CHD8: variants seen among roughly 807,000 people sequenced by gnomAD.
The protein encoded by CHD8 is chromodomain helicase DNA binding protein 8.
In CHD8, 31 loss-of-function variants were observed where a neutral mutation model predicts 279.2. That is an observed-to-expected ratio of 0.11 (90% CI 0.08 to 0.15). CHD8 has a LOEUF of 0.15. Ranked by LOEUF, CHD8 falls within the 10% of genes least tolerant of loss-of-function variation. The pLI, the probability that CHD8 is intolerant of heterozygous loss-of-function variation, is 1.00. For missense variants in CHD8, 2,146 were observed against 3,230.5 expected, an observed-to-expected ratio of 0.66 and a Z score of 8.14; for synonymous variants, 1,081 against 1,139.6, an observed-to-expected ratio of 0.95 and a Z score of 1.04.
chr14:21,401,316 T>TA, intron 21 of CHD8, 87 bp downstream of exon 21: 4 of 833,638 alleles, frequency 4.8e-6, no homozygotes, highest in Non-Finnish European at 1.8e-6. Flanking sequence ...AAATCACAAT[T>TA]AGCATCAAAT....
At position 21,412,372 on chromosome 14, in the gene CHD8, C is replaced by T. The variant is rs146571712; in HGVS notation, c.2226+541G>A. On this transcript the variant is annotated intron_variant, in intron 10 of 37. Coordinates refer to ENST00000646647, the MANE Select transcript of CHD8 (RefSeq NM_001170629.2). ...TGTTGGCCAAGCTGGTCTCAAACTC[C>T]CAACCTCGTGATCTGCCCACCTCAG... 5.3e-5 allele frequency among the ~76,000 whole-genome samples: 8 copies of T among 152,130 alleles called. No individual in the cohort carries two copies. The East Asian group carries it at 1.6e-3, about 30-fold the overall frequency.
chr14:21,411,346 A>C (rs1205490177), intron 10 of CHD8, among the ~76,000 whole-genome samples: 3 of 152,214 alleles, frequency 2.0e-5, no homozygotes. Context: ...ATTTAAAGAC[A>C]ATGAATTCTA....
chr14:21,414,508 A>G, intron 8 of CHD8, 90 bp from the exon 9 acceptor site: 2 of 699,174 alleles, frequency 2.9e-6, no homozygotes. Flanking sequence ...AGAAGCAGAC[A>G]TAACAAATAC....
At chr14:21,417,708 G>C (rs989608558) in intron 5 of CHD8, among the ~76,000 whole-genome samples, 1 of 151,678 alleles carries the variant, frequency 6.6e-6, no homozygotes. Context: ...CAAAAAATTA[G>C]CCAGGTGTGG....
chr14:21,403,277 C>G lies in CHD8; in HGVS notation c.3519-65G>C. 1.3e-6 allele frequency: 2 copies of G among 1,505,460 alleles called. No homozygotes were observed. The highest frequency in any genetic ancestry group is 1.8e-5 in the Admixed American group (1 of 55,030). 93.3% of individuals were successfully genotyped at this position (1,505,460 alleles called of 1,614,324 possible). On this transcript the variant is annotated intron_variant, in intron 17 of 37. Coordinates refer to ENST00000646647, the MANE Select transcript of CHD8 (RefSeq NM_001170629.2). This position sits in a 1 kb window ranked among gnomAD's most constrained non-coding sequence, Gnocchi z 4.3. ...CAGAAGTGGAGACCAAAACAGCAGGCTAGGATCAATACCAGTACTCCCATA... is the reference window on the plus strand; with the variant it reads ...CAGAAGTGGAGACCAAAACAGCAGGGTAGGATCAATACCAGTACTCCCATA...
intron 3 of CHD8, 132 bp from the exon 4 acceptor site, chr14:21,428,386 T>C: frequency 3.8e-6 from 3 of 791,628 alleles, no homozygotes; most frequent in South Asian, 3.7e-5. Flanking sequence ...CTAAATCTTA[T>C]TGAACCTACA....
chr14:21,418,632 G>T (rs539750574), intron 5 of CHD8, among the ~76,000 whole-genome samples: 64 of 152,122 alleles, frequency 4.2e-4, no homozygotes, highest in Non-Finnish European at 7.5e-4. Context: ...TGGCTAACAC[G>T]GTGAAACCCC....
At chr14:21,404,409 A>T (rs972326370) in intron 16 of CHD8, among the ~76,000 whole-genome samples, 3 of 151,952 alleles carry the variant, frequency 2.0e-5, no homozygotes, top group Admixed American at 6.6e-5. Context: ...AAAAAAAAAA[A>T]AAAAAAAAAA....
rs917185244 is a variant in CHD8, at chr14:21,394,555, T to A, written c.5391-70A>T. 7 of 1,097,112 alleles carry A rather than the reference T, an allele frequency of 6.4e-6. No homozygotes were observed. The East Asian group carries it at 1.8e-4, about 29-fold the overall frequency. The allele number at this position is 1,097,112 out of a possible 1,614,324, so 68.0% of individuals were successfully genotyped here. A position where few individuals can be genotyped will look rare whatever the true frequency, so the allele number is the denominator to read the frequency against. The stretch of plus-strand genomic sequence containing the variant: ...AGAAGAACACAAGAAAACTGGTTAT[T>A]TTTTAATGTGTTTTAGAATATCTGA... On this transcript the variant is annotated intron_variant, in intron 30 of 37. Transcript: ENST00000646647.
chr14:21,390,859 A>G (rs1887501755), intron 37 of CHD8, 88 bp downstream of exon 37: 1 of 710,062 alleles, frequency 1.4e-6, no homozygotes, highest in East Asian at 2.7e-5. Context: ...GAAAAAAGAT[A>G]AATAACATTA....
Position 21,410,076 on chromosome 14 carries a change from TCA to T in CHD8, c.2227-90_2227-89del. Reference sequence around the variant, plus strand: ...ATAAAAATTTGATTGTAAAATCAGATCACAAAGTATCAGTACCTAGAAGCCGT... The same window carrying T: ...ATAAAAATTTGATTGTAAAATCAGATCAAAGTATCAGTACCTAGAAGCCGT... On this transcript the variant is annotated intron_variant, in intron 10 of 37. Coordinates refer to ENST00000646647, the MANE Select transcript of CHD8 (RefSeq NM_001170629.2). 1.5e-5 allele frequency: 20 copies of T among 1,302,718 alleles called. No homozygotes were observed. In the South Asian group the frequency reaches 3.3e-4, roughly 21 times the overall value. 80.7% of individuals were successfully genotyped at this position (1,302,718 alleles called of 1,614,324 possible). A position where few individuals can be genotyped will look rare whatever the true frequency, so the allele number is the denominator to read the frequency against.
chr14:21,446,314 CTTCTT>C (rs1566456196), intron 1 of CHD8, among the ~76,000 whole-genome samples: 1 of 66,426 alleles, frequency 1.5e-5, no homozygotes, highest in African/African-American at 5.5e-5. Flanking sequence ...TTTTCTTCTT[CTTCTT>C]TTTTTTTTTT....
At chr14:21,412,801 A>G in intron 10 of CHD8, 112 bp downstream of exon 10, 3 of 698,210 alleles carry the variant, frequency 4.3e-6, no homozygotes, top group Non-Finnish European at 7.8e-6. Flanking sequence ...ATTTAGAAAT[A>G]CCTTTTCAGT....
Position 21,430,793 on chromosome 14 carries a change from C to G in CHD8, c.843+8G>C. 6.4e-7 allele frequency: 1 copy of G among 1,566,646 alleles called. No individual in the cohort carries two copies. Among genetic ancestry groups the G allele is most frequent in the Non-Finnish European group, 8.6e-7 (1 of 1,159,584 alleles). On this transcript the variant is annotated splice_region_variant and intron_variant, in intron 2 of 37. Transcript: ENST00000646647. ...CCAAAATTCACCTCCCCCTTTCACTCAAGTCACCTGGGTAGGTGTAGAGGT... is the reference window on the plus strand; with the variant it reads ...CCAAAATTCACCTCCCCCTTTCACTGAAGTCACCTGGGTAGGTGTAGAGGT...
intron 1 of CHD8, among the ~76,000 whole-genome samples, chr14:21,449,060 G>C (rs1343191113): frequency 6.6e-6 from 1 of 152,058 alleles, no homozygotes; most frequent in African/African-American, 2.4e-5. Context: ...TGTAGTCCCA[G>C]CTACTCGGGA....
chr14:21,392,704 C>T lies in CHD8; in HGVS notation c.6574G>A (p.Gly2192Arg). The change falls in exon 34 of 38, where the codon GGG (glycine) becomes AGG (arginine). Residue 2192 changes from glycine to arginine, a missense_variant. By Grantham distance (125) the Gly-to-Arg change is moderately radical. Around this residue, in one of 26 missense-constraint regions of CHD8, gnomAD observed 513 missense variants for 637.6 expected, o/e 0.80. Transcript: ENST00000646647. ...CTGTCTAGCAAGTGGTTGCCTGGCC[C>T]CAAAATTCCTCCTGTTACCATTTCC... ...SQEMVTGGIL[G>R]PGNHLLDSPS... 6.2e-7 allele frequency: 1 copy of T among 1,613,984 alleles called. No homozygotes were observed. The highest frequency in any genetic ancestry group is 1.1e-5 in the South Asian group (1 of 91,088).
Position 21,431,598 on chromosome 14 carries a change from C to G in CHD8, c.46G>C (p.Gly16Arg), listed in dbSNP as rs1254248109. 15 of 1,535,164 alleles carry G rather than the reference C, an allele frequency of 9.8e-6. No individual in the cohort carries two copies. Among genetic ancestry groups the G allele is most frequent in the Non-Finnish European group, 1.3e-5 (15 of 1,145,904 alleles). Residue 16 changes from glycine to arginine, a missense_variant, in exon 2 of 38, where the codon GGC becomes CGC. Physicochemically the swap from Gly to Arg is moderately radical, Grantham distance 125 (BLOSUM62 -2). This residue lies in a region of CHD8 where 302 missense variants were observed against 325.5 expected (regional missense o/e 0.93). Transcript: ENST00000646647. ...MDLFDDPNLFGLDSLTDDSFN... is the reference protein window; with the variant it reads ...MDLFDDPNLFRLDSLTDDSFN... ...CTGTCATCAGTCAGAGAGTCCAGGCCAAATAAATTTGGGTCATCGAACAGA... is the reference window on the plus strand; with the variant it reads ...CTGTCATCAGTCAGAGAGTCCAGGCGAAATAAATTTGGGTCATCGAACAGA...
intron 14 of CHD8, 142 bp from the exon 15 acceptor site, chr14:21,406,006 C>A: frequency 1.8e-6 from 1 of 563,294 alleles, no homozygotes; most frequent in Non-Finnish European, 2.8e-6. Context: ...TGATCTGGTC[C>A]ATTAATTTTT....
At position 21,431,408 on chromosome 14, in the gene CHD8, G is replaced by C; in HGVS notation, c.236C>G (p.Ser79Cys). The C allele has an allele frequency of 6.5e-7, 1 of 1,537,244 alleles. No homozygotes were observed. Among genetic ancestry groups the C allele is most frequent in the East Asian group, 2.4e-5 (1 of 40,914 alleles). The part of the protein sequence containing the change: ...PPEETAPTEL[S>C]KESTAPAPES... ...TGGAGCTGGAGCTGTGGATTCTTTG[G>C]AAAGTTCTGTGGGAGCTGTTTCCTC... is the stretch of plus-strand genomic sequence containing the variant. The change falls in exon 2 of 38, where the codon TCC becomes TGC. Residue 79 changes from serine to cysteine, a missense_variant. Physicochemically the swap from Ser to Cys is moderately radical, Grantham distance 112. Around this residue, in one of 26 missense-constraint regions of CHD8, gnomAD observed 302 missense variants for 325.5 expected, o/e 0.93. Coordinates refer to ENST00000646647, the MANE Select transcript of CHD8 (RefSeq NM_001170629.2).
Sources: allele counts gnomAD v4.1 joint callset (sites outside exome capture counted in the v4.1 genomes callset), GRCh38; gene constraint gnomAD v4.1.1; regional missense constraint gnomAD v4.1.1; non-coding constraint Gnocchi (gnomAD v3.1); transcripts MANE v1.5; gene names NCBI Gene and HGNC (gene_info 2026-07-23, HGNC 2026-07-21).